HECW2: variants seen among roughly 807,000 people sequenced by gnomAD.
The protein encoded by HECW2 is HECT, C2 and WW domain containing E3 ubiquitin protein ligase 2.
A neutral mutation model predicts 175.2 loss-of-function variants in HECW2; 61 were observed. The observed-to-expected ratio is 0.35, with a 90% CI of 0.28 to 0.43. HECW2 has a LOEUF of 0.43. HECW2 is among the 20% of genes least tolerant of loss of function. HECW2 has a pLI of 1.00. For synonymous variants in HECW2, 671 were observed against 731.0 expected, an observed-to-expected ratio of 0.92 and a Z score of 1.32; for missense variants, 1,524 against 2,000.5, an observed-to-expected ratio of 0.76 and a Z score of 4.54.
chr2:196,386,448 T>C (rs1430826781), intron 2 of HECW2, among the ~76,000 whole-genome samples: 2 of 152,204 alleles, frequency 1.3e-5, no homozygotes, highest in East Asian at 1.9e-4. Flanking sequence ...CTTGCTAACA[T>C]GCTTGAGAAG....
At chr2:196,507,985 T>C (rs1483684312) in intron 1 of HECW2, among the ~76,000 whole-genome samples, 1 of 152,244 alleles carries the variant, frequency 6.6e-6, no homozygotes, top group Non-Finnish European at 1.5e-5. Flanking sequence ...CAGGGGTCCA[T>C]TGTTTCAAAC....
intron 1 of HECW2, among the ~76,000 whole-genome samples, chr2:196,577,368 AT>A (rs2125522967): frequency 6.6e-6 from 1 of 152,328 alleles, no homozygotes; most frequent in African/African-American, 2.4e-5. Flanking sequence ...TTAAAAAGTC[AT>A]TTATTAAATT....
chr2:196,475,910 C>A (rs1392782338), intron 1 of HECW2, among the ~76,000 whole-genome samples: 1 of 152,246 alleles, frequency 6.6e-6, no homozygotes, highest in Non-Finnish European at 1.5e-5. Context: ...CAGCCAATCT[C>A]AGGACTCTCC....
chr2:196,257,257 C>CT (rs1249931911), intron 18 of HECW2, among the ~76,000 whole-genome samples: 2 of 146,004 alleles, frequency 1.4e-5, no homozygotes, highest in Non-Finnish European at 3.0e-5. Context: ...AAAACCAAAG[C>CT]TGATTTAACC....
chr2:196,266,035 T>TA (rs1689499346), intron 17 of HECW2, among the ~76,000 whole-genome samples: 1 of 152,050 alleles, frequency 6.6e-6, no homozygotes, highest in Non-Finnish European at 1.5e-5. Context: ...GTCAATAAAT[T>TA]ATTTTAATCA....
intron 2 of HECW2, among the ~76,000 whole-genome samples, chr2:196,389,040 C>T (rs1177753522): frequency 1.3e-5 from 2 of 152,170 alleles, no homozygotes; most frequent in African/African-American, 4.8e-5. Flanking sequence ...TTCCTAGAAT[C>T]TGAAGCATAA....
intron 27 of HECW2, among the ~76,000 whole-genome samples, chr2:196,216,303 G>A (rs1055027963): frequency 5.3e-5 from 8 of 152,114 alleles, no homozygotes; most frequent in African/African-American, 1.2e-4. Context: ...CAATTAACCC[G>A]AGTCAACTTA....
intron 2 of HECW2, among the ~76,000 whole-genome samples, chr2:196,412,717 G>A (rs1424214179): frequency 6.6e-6 from 1 of 152,154 alleles, no homozygotes; most frequent in Non-Finnish European, 1.5e-5. Context: ...TTTCATCTTT[G>A]CTCTTTTTAC....
At chr2:196,294,459 T>C (rs1690731094) in intron 13 of HECW2, among the ~76,000 whole-genome samples, 1 of 152,152 alleles carries the variant, frequency 6.6e-6, no homozygotes, top group African/African-American at 2.4e-5. Flanking sequence ...TTATGGGTTC[T>C]GTTATCTATT....
chr2:196,230,936 T>C (rs941468374), intron 21 of HECW2, among the ~76,000 whole-genome samples: 37 of 151,992 alleles, frequency 2.4e-4, no homozygotes, highest in Non-Finnish European at 4.0e-4. Flanking sequence ...ACCCCGTCTC[T>C]ACTAAAAATA....
chr2:196,562,314 T>C (rs1690029092), intron 1 of HECW2, among the ~76,000 whole-genome samples: 1 of 152,224 alleles, frequency 6.6e-6, no homozygotes, highest in African/African-American at 2.4e-5. Context: ...ACTTTAAATG[T>C]ATAAAGAAGT....
chr2:196,200,134 C>T lies in HECW2; in HGVS notation c.*1143G>A, dbSNP rs1026548386. ...GCATTTTAAATAAATGCATATCATA[C>T]TATCACATATAGTGAATCTTAAAAA... On this transcript the variant is annotated 3_prime_UTR_variant, in exon 29 of 29. Transcript: ENST00000644978. The T allele has an allele frequency of 2.0e-5, 3 of 152,586 alleles. No homozygotes were observed. Among genetic ancestry groups the T allele is most frequent in the Admixed American group, 2.0e-4 (3 of 15,272 alleles). The allele number at this position is 152,586 out of a possible 1,614,324, so 9.5% of individuals were successfully genotyped here.
At chr2:196,498,983 C>T (rs1415195070) in intron 1 of HECW2, among the ~76,000 whole-genome samples, 1 of 152,120 alleles carries the variant, frequency 6.6e-6, no homozygotes, top group East Asian at 1.9e-4. Context: ...TTCAACCCCC[C>T]TATAATTTCA....
chr2:196,514,621 C>T (rs895232795), intron 1 of HECW2, among the ~76,000 whole-genome samples: 4 of 152,206 alleles, frequency 2.6e-5, no homozygotes, highest in Admixed American at 2.6e-4. Context: ...ACTCCCTCCC[C>T]TCTGAAGTCC....
chr2:196,311,049 T>C (rs1691478463), intron 10 of HECW2, among the ~76,000 whole-genome samples: 1 of 152,204 alleles, frequency 6.6e-6, no homozygotes, highest in Non-Finnish European at 1.5e-5. Context: ...GGCCAGGAGA[T>C]TTGAGTCCCT....
At chr2:196,356,219 C>A (rs1349947461) in intron 2 of HECW2, among the ~76,000 whole-genome samples, 2 of 152,210 alleles carry the variant, frequency 1.3e-5, no homozygotes, top group Non-Finnish European at 2.9e-5. Context: ...AAACCTCTAA[C>A]AACCCTTTAG....
chr2:196,458,372 G>T (rs1358389781), intron 1 of HECW2, among the ~76,000 whole-genome samples: 1 of 151,924 alleles, frequency 6.6e-6, no homozygotes, highest in Non-Finnish European at 1.5e-5. Context: ...CTCTGAAAAG[G>T]AAAGGTCTCA....
At chr2:196,221,269 T>A (rs6727846) in intron 24 of HECW2, among the ~76,000 whole-genome samples, 10,717 of 152,292 alleles carry the variant, frequency 0.07, 556 homozygotes, top group African/African-American at 0.15. Flanking sequence ...TTCACAAATT[T>A]CTCAGAATTG....
At chr2:196,214,184 G>T (rs1465713968) in intron 28 of HECW2, among the ~76,000 whole-genome samples, 1 of 152,152 alleles carries the variant, frequency 6.6e-6, no homozygotes, top group East Asian at 1.9e-4. Context: ...GGCTCAGAAG[G>T]ATCATGCAAC....
Sources: gnomAD v4.1 joint callset for allele counts (sites outside exome capture counted in the v4.1 genomes callset) on GRCh38, gnomAD v4.1.1 for gene constraint, MANE v1.5 for transcripts, NCBI Gene and HGNC (gene_info 2026-07-23, HGNC 2026-07-21) for gene names.